CNTNAP2: variants seen among roughly 807,000 people sequenced by gnomAD.
CNTNAP2 encodes the protein contactin-associated protein-like 2.
In CNTNAP2, 98 loss-of-function variants were observed where a neutral mutation model predicts 155.2. That is an observed-to-expected ratio of 0.63 (90% CI 0.54 to 0.75). The LOEUF is 0.75. Ranked by LOEUF, CNTNAP2 falls within the 30% of genes least tolerant of loss-of-function variation. The pLI, the probability that CNTNAP2 is intolerant of heterozygous loss-of-function variation, is 0.00. For synonymous variants in CNTNAP2, 651 were observed against 631.2 expected, an observed-to-expected ratio of 1.03 and a Z score of -0.47; for missense variants, 1,727 against 1,688.1, an observed-to-expected ratio of 1.02 and a Z score of -0.40.
intron 4 of CNTNAP2, among the ~76,000 whole-genome samples, chr7:147,055,081 C>G (rs1290509155): frequency 6.6e-6 from 1 of 152,102 alleles, no homozygotes; most frequent in African/African-American, 2.4e-5. Context: ...GCATTCAACC[C>G]GTACCAATCA....
chr7:147,428,764 G>A (rs916079224), intron 10 of CNTNAP2, among the ~76,000 whole-genome samples: 1 of 152,100 alleles, frequency 6.6e-6, no homozygotes, highest in Admixed American at 6.6e-5. Context: ...GCTCTTCTAA[G>A]GTTGTGATTT....
At chr7:146,146,558 A>G (rs1468920931) in intron 1 of CNTNAP2, among the ~76,000 whole-genome samples, 1 of 152,076 alleles carries the variant, frequency 6.6e-6, no homozygotes. Context: ...TCTTTAATGG[A>G]TGGCTCTGCA....
At chr7:148,194,632 C>T (rs745987212) in intron 18 of CNTNAP2, among the ~76,000 whole-genome samples, 16 of 152,094 alleles carry the variant, frequency 1.1e-4, no homozygotes, top group Non-Finnish European at 2.4e-4. Context: ...CAGTCTGAGT[C>T]TGAAGGCCTG....
At chr7:147,837,377 C>A (rs1338950994) in intron 13 of CNTNAP2, among the ~76,000 whole-genome samples, 2 of 152,130 alleles carry the variant, frequency 1.3e-5, no homozygotes, top group Non-Finnish European at 2.9e-5. Flanking sequence ...CAGTTACCTC[C>A]CACTGGGTCC....
intron 12 of CNTNAP2, among the ~76,000 whole-genome samples, chr7:147,589,579 T>G (rs1211641464): frequency 6.6e-6 from 1 of 152,164 alleles, no homozygotes; most frequent in Non-Finnish European, 1.5e-5. Flanking sequence ...TAAAAATATA[T>G]TTTTAATTTA....
chr7:148,078,313 C>T (rs541500338), intron 15 of CNTNAP2, among the ~76,000 whole-genome samples: 1 of 149,548 alleles, frequency 6.7e-6, no homozygotes, highest in Non-Finnish European at 1.5e-5. Flanking sequence ...ATCTGCCTGC[C>T]TTGACCTTCC....
chr7:148,213,792 C>G (rs374450800), intron 18 of CNTNAP2, among the ~76,000 whole-genome samples: 7 of 152,226 alleles, frequency 4.6e-5, no homozygotes, highest in Middle Eastern at 3.4e-3. Context: ...AGAAGCCTGT[C>G]CTAGGAGTGT....
chr7:147,726,034 C>T (rs1261890031), intron 13 of CNTNAP2, among the ~76,000 whole-genome samples: 3 of 151,846 alleles, frequency 2.0e-5, no homozygotes, highest in African/African-American at 7.3e-5. Flanking sequence ...TGCATGATTT[C>T]TCGTATAAAA....
chr7:148,393,913 C>T (rs1022059731), intron 22 of CNTNAP2, among the ~76,000 whole-genome samples: 1 of 151,568 alleles, frequency 6.6e-6, no homozygotes, highest in East Asian at 1.9e-4. Flanking sequence ...TTATTTATAT[C>T]TTTATATTCT....
At chr7:147,439,285 G>A (rs995851406) in intron 10 of CNTNAP2, among the ~76,000 whole-genome samples, 2 of 151,778 alleles carry the variant, frequency 1.3e-5, no homozygotes, top group Non-Finnish European at 2.9e-5. Flanking sequence ...GGTATGTTGT[G>A]TTTCCATCAT....
At chr7:146,962,574 A>T (rs1471425843) in intron 3 of CNTNAP2, among the ~76,000 whole-genome samples, 1 of 152,174 alleles carries the variant, frequency 6.6e-6, no homozygotes, top group Non-Finnish European at 1.5e-5. Context: ...TTTTTGAGAC[A>T]GAGTCTCGCT....
intron 11 of CNTNAP2, among the ~76,000 whole-genome samples, chr7:147,551,793 A>G (rs905232277): frequency 1.3e-5 from 2 of 152,182 alleles, no homozygotes; most frequent in African/African-American, 2.4e-5. Flanking sequence ...ATTTCTTAAC[A>G]GGATTATCTA....
intron 1 of CNTNAP2, among the ~76,000 whole-genome samples, chr7:146,640,957 A>C (rs1481538697): frequency 6.6e-6 from 1 of 152,174 alleles, no homozygotes; most frequent in African/African-American, 2.4e-5. Context: ...TTAGGGAGAA[A>C]ATGCCTAAAA....
intron 4 of CNTNAP2, among the ~76,000 whole-genome samples, chr7:147,092,111 C>T (rs1051022453): frequency 6.6e-6 from 1 of 152,152 alleles, no homozygotes; most frequent in Admixed American, 6.5e-5. Context: ...TCTGTCATGC[C>T]TTGGGAAATG....
chr7:147,108,040 C>G (rs1231244266), intron 4 of CNTNAP2, 107 bp from the exon 5 acceptor site: 1 of 1,010,876 alleles, frequency 9.9e-7, no homozygotes, highest in Non-Finnish European at 1.5e-6. Context: ...GTCAATTTCT[C>G]AAGAAAAACA....
At chr7:146,185,376 C>T (rs1293892628) in intron 1 of CNTNAP2, among the ~76,000 whole-genome samples, 1 of 152,088 alleles carries the variant, frequency 6.6e-6, no homozygotes, top group Admixed American at 6.6e-5. Flanking sequence ...TTCATCCTAC[C>T]ATGGCAAAGT....
intron 1 of CNTNAP2, among the ~76,000 whole-genome samples, chr7:146,649,080 G>A (rs1374449704): frequency 3.9e-5 from 6 of 152,090 alleles, no homozygotes; most frequent in Non-Finnish European, 5.9e-5. Context: ...ATTTCTTAAG[G>A]AAACATTGCC....
chr7:147,290,674 C>T (rs1433376705), intron 8 of CNTNAP2, among the ~76,000 whole-genome samples: 2 of 121,920 alleles, frequency 1.6e-5, no homozygotes, highest in African/African-American at 6.5e-5. Context: ...CAGAGTGAGA[C>T]TCCATCTCCA....
intron 3 of CNTNAP2, among the ~76,000 whole-genome samples, chr7:146,933,327 G>A (rs57221367): frequency 0.014 from 2,063 of 151,468 alleles, 42 homozygotes; most frequent in African/African-American, 0.048. Context: ...GAGAAAAACA[G>A]GCAATGGGGA....
Sources: gnomAD v4.1 joint callset for allele counts (sites outside exome capture counted in the v4.1 genomes callset) on GRCh38, gnomAD v4.1.1 for gene constraint, MANE v1.5 for transcripts, NCBI Gene and HGNC (gene_info 2026-07-23, HGNC 2026-07-21) for gene names.